The following AGBL4 variants were observed in gnomAD, a reference collection of about 807,000 sequenced individuals.
The protein encoded by AGBL4 is cytosolic carboxypeptidase 6.
A neutral mutation model predicts 66.4 loss-of-function variants in AGBL4; 58 were observed. The observed-to-expected ratio is 0.87, with a 90% CI of 0.71 to 1.09. The LOEUF is 1.09. AGBL4 is among the 50% of genes least tolerant of loss of function. AGBL4 has a pLI of 0.00. For synonymous variants in AGBL4, 234 were observed against 222.9 expected (o/e 1.05, Z -0.44); for missense variants, 579 against 631.0 (o/e 0.92, Z 0.88).
intron 2 of AGBL4, among the ~76,000 whole-genome samples, chr1:49,747,572 C>T (rs926574909): frequency 5.9e-5 from 9 of 152,152 alleles, no homozygotes; most frequent in African/African-American, 1.4e-4. Context: ...AAATGATCAA[C>T]TGTATTTAAT....
At chr1:50,015,954 T>C (rs1350448694) in intron 1 of AGBL4, among the ~76,000 whole-genome samples, 8 of 152,090 alleles carry the variant, frequency 5.3e-5, no homozygotes, top group East Asian at 1.9e-4. Flanking sequence ...ATGAAGAAGA[T>C]TGAAACATAT....
chr1:48,759,831 C>G (rs2148658660), intron 6 of AGBL4, among the ~76,000 whole-genome samples: 1 of 152,350 alleles, frequency 6.6e-6, no homozygotes. Context: ...CTCTAATCTA[C>G]TCTAATCTAG....
chr1:49,755,199 T>A (rs1195914185), intron 2 of AGBL4, among the ~76,000 whole-genome samples: 1 of 152,218 alleles, frequency 6.6e-6, no homozygotes, highest in African/African-American at 2.4e-5. Context: ...ATTATTGCCA[T>A]CAGCCAAGAT....
rs368960994 is a variant in AGBL4, at chr1:49,987,593, T to C, written c.34+36170A>G. On this transcript the variant is annotated intron_variant, in intron 1 of 13. Coordinates refer to ENST00000371839, the MANE Select transcript of AGBL4 (RefSeq NM_032785.4). ...GCATTTTTGTGTTTGGTGTTATCCA[T>C]CTAAAACTTGCCAAGCACATATTAT... 9.8e-4 allele frequency among the ~76,000 whole-genome samples: 149 copies of C among 152,160 alleles called. 2 individuals carry two copies. The South Asian group carries it at 0.03, about 30-fold the overall frequency.
At chr1:49,134,475 G>GCCCCCCCCCCCCCC (rs57286157) in intron 4 of AGBL4, among the ~76,000 whole-genome samples, 1 of 112,702 alleles carries the variant, frequency 8.9e-6, no homozygotes, top group African/African-American at 3.3e-5. Flanking sequence ...ATTTTGGAGG[G>GCCCCCCCCCCCCCC]CCCCCCCCCC....
At chr1:49,804,973 T>A (rs1644944692) in intron 2 of AGBL4, among the ~76,000 whole-genome samples, 2 of 152,280 alleles carry the variant, frequency 1.3e-5, no homozygotes, top group African/African-American at 4.8e-5. Context: ...GACATATGAC[T>A]CTAAAGCACA....
chr1:49,535,093 A>G (rs1014069319), intron 3 of AGBL4, among the ~76,000 whole-genome samples: 2 of 152,160 alleles, frequency 1.3e-5, no homozygotes, highest in Admixed American at 6.5e-5. Flanking sequence ...ACAAGATGAC[A>G]GTATGTACAT....
intron 6 of AGBL4, among the ~76,000 whole-genome samples, chr1:48,695,416 T>A (rs953776900): frequency 1.3e-5 from 2 of 152,266 alleles, no homozygotes; most frequent in Non-Finnish European, 2.9e-5. Context: ...CTTCACGCTT[T>A]AGCCCTAATT....
At chr1:48,841,412 C>A (rs370473089) in intron 6 of AGBL4, among the ~76,000 whole-genome samples, 7,004 of 65,754 alleles carry the variant, frequency 0.11, 400 homozygotes, top group African/African-American at 0.23. Flanking sequence ...CCCCCCCCCC[C>A]AAAAAAAAAG....
At chr1:49,917,625 A>G (rs1651694576) in intron 1 of AGBL4, among the ~76,000 whole-genome samples, 1 of 152,166 alleles carries the variant, frequency 6.6e-6, no homozygotes, top group African/African-American at 2.4e-5. Context: ...ACTCCCACAC[A>G]ATAATAATGG....
intron 1 of AGBL4, among the ~76,000 whole-genome samples, chr1:49,931,681 C>A (rs1653379711): frequency 6.6e-6 from 1 of 152,046 alleles, no homozygotes; most frequent in African/African-American, 2.4e-5. Context: ...TATCAGATGG[C>A]AATTTTCCAA....
chr1:49,017,472 A>G (rs1662904894), intron 5 of AGBL4, among the ~76,000 whole-genome samples: 1 of 152,212 alleles, frequency 6.6e-6, no homozygotes, highest in African/African-American at 2.4e-5. Context: ...CTAACGTGGC[A>G]TAATATCATC....
intron 8 of AGBL4, among the ~76,000 whole-genome samples, chr1:48,647,192 A>AGTTCC (rs1181427518): frequency 1.3e-5 from 2 of 152,232 alleles, no homozygotes; most frequent in African/African-American, 4.8e-5. Flanking sequence ...TGGGGTCTGC[A>AGTTCC]GTTCCGTGCT....
intron 4 of AGBL4, among the ~76,000 whole-genome samples, chr1:49,159,497 T>G (rs1347736644): frequency 6.6e-6 from 1 of 152,192 alleles, no homozygotes; most frequent in Non-Finnish European, 1.5e-5. Flanking sequence ...CCCTTAACAT[T>G]GTTTCCTTCA....
intron 5 of AGBL4, among the ~76,000 whole-genome samples, chr1:48,886,409 G>A (rs1231006426): frequency 6.6e-6 from 1 of 152,154 alleles, no homozygotes; most frequent in South Asian, 2.1e-4. Context: ...AGAGCTGATT[G>A]TTTTGTCACT....
intron 3 of AGBL4, among the ~76,000 whole-genome samples, chr1:49,468,760 A>C (rs933695727): frequency 4.6e-5 from 7 of 151,840 alleles, no homozygotes; most frequent in African/African-American, 1.7e-4. Context: ...AATTTGTTTT[A>C]TGCATTTTTT....
chr1:49,841,528 T>C (rs1435271243), intron 2 of AGBL4, among the ~76,000 whole-genome samples: 2 of 152,024 alleles, frequency 1.3e-5, no homozygotes, highest in Non-Finnish European at 2.9e-5. Context: ...AGAGTCCAAA[T>C]ACCCAAAGTA....
intron 3 of AGBL4, among the ~76,000 whole-genome samples, chr1:49,673,276 G>T (rs1646516203): frequency 6.6e-6 from 1 of 152,106 alleles, no homozygotes; most frequent in Non-Finnish European, 1.5e-5. Flanking sequence ...TGTAAACAGT[G>T]CTTGCAGCAC....
chr1:48,807,737 G>C (rs969816858), intron 6 of AGBL4, among the ~76,000 whole-genome samples: 6 of 152,166 alleles, frequency 3.9e-5, no homozygotes, highest in African/African-American at 1.4e-4. Context: ...GCACACATCT[G>C]CATATCAGAA....
Sources: allele counts gnomAD v4.1 joint callset (sites outside exome capture counted in the v4.1 genomes callset), GRCh38; gene constraint gnomAD v4.1.1; transcripts MANE v1.5; gene names NCBI Gene and HGNC (gene_info 2026-07-23, HGNC 2026-07-21).